SHB: variants seen among roughly 807,000 people sequenced by gnomAD.
The protein encoded by SHB is SH2 domain-containing adapter protein B.
SHB carries 20 observed loss-of-function variants against 52.3 expected under a neutral mutation model. The ratio of observed to expected loss-of-function variants is 0.38; its 90% CI spans 0.27 to 0.56. The LOEUF is 0.56. Among genes scored for constraint, SHB ranks in the 20% least tolerant of loss-of-function variants. The pLI, the probability that SHB is intolerant of heterozygous loss-of-function variation, is 0.71. For missense variants in SHB, 825 were observed against 723.3 expected (o/e 1.14, Z -1.61); for synonymous variants, 397 against 316.5 (o/e 1.25, Z -2.70).
Position 38,069,176 on chromosome 9 carries a change from C to T in SHB, c.-531G>A, listed in dbSNP as rs1822025590. On this transcript the variant is annotated 5_prime_UTR_variant, in exon 1 of 6. Coordinates refer to ENST00000377707, the MANE Select transcript of SHB (RefSeq NM_003028.3). Reference sequence around the variant, plus strand: ...GCGACGGAGGAAGGCAGCCGGCGCCCGCCGGAGCCCGCGCGCCCGTGCCCG... The same window carrying T: ...GCGACGGAGGAAGGCAGCCGGCGCCTGCCGGAGCCCGCGCGCCCGTGCCCG... 2 of 151,214 alleles carry T rather than the reference C, an allele frequency of 1.3e-5. No homozygotes were observed. Among genetic ancestry groups the T allele is most frequent in the South Asian group, 1.9e-4 (1 of 5,356 alleles). 9.4% of individuals were successfully genotyped at this position (151,214 alleles called of 1,614,324 possible).
At chr9:37,955,142 T>C (rs781418273) in intron 4 of SHB, among the ~76,000 whole-genome samples, 8 of 152,188 alleles carry the variant, frequency 5.3e-5, no homozygotes, top group Middle Eastern at 3.2e-3. Context: ...TACACATAGT[T>C]TTACACTTAG....
intron 5 of SHB, among the ~76,000 whole-genome samples, chr9:37,942,702 GAA>G (rs1267594003): frequency 6.6e-6 from 1 of 152,228 alleles, no homozygotes; most frequent in Non-Finnish European, 1.5e-5. Flanking sequence ...CAGGTGCGGG[GAA>G]AGAGATGGAA....
chr9:37,972,778 G>C (rs887094993), intron 3 of SHB, among the ~76,000 whole-genome samples: 1 of 152,208 alleles, frequency 6.6e-6, no homozygotes, highest in African/African-American at 2.4e-5. Flanking sequence ...TGAGTAATCT[G>C]TGTTGGAATG....
At chr9:38,055,247 T>C (rs1821799183) in intron 1 of SHB, among the ~76,000 whole-genome samples, 1 of 152,202 alleles carries the variant, frequency 6.6e-6, no homozygotes, top group African/African-American at 2.4e-5. Context: ...TTATTCCCCA[T>C]GAACACTCCA....
intron 1 of SHB, among the ~76,000 whole-genome samples, chr9:38,052,061 C>CT (rs1821758063): frequency 6.6e-6 from 1 of 152,154 alleles, no homozygotes; most frequent in Non-Finnish European, 1.5e-5. Flanking sequence ...ACACCAGCAA[C>CT]TTTACATGGC....
intron 2 of SHB, among the ~76,000 whole-genome samples, chr9:38,014,889 C>T (rs1247803997): frequency 6.6e-6 from 1 of 152,236 alleles, no homozygotes; most frequent in African/African-American, 2.4e-5. Flanking sequence ...GCTCAGTGCT[C>T]AGTAAATGCC....
intron 2 of SHB, among the ~76,000 whole-genome samples, chr9:38,014,832 C>T (rs374646909): frequency 2.6e-5 from 4 of 152,242 alleles, no homozygotes; most frequent in East Asian, 1.9e-4. Context: ...TCAACCTGCA[C>T]GGCTACACAG....
intron 1 of SHB, among the ~76,000 whole-genome samples, chr9:38,065,588 G>A (rs1278031401): frequency 2.6e-5 from 4 of 152,116 alleles, no homozygotes; most frequent in Non-Finnish European, 5.9e-5. Context: ...GCACTATAAC[G>A]TCCTGCTGAG....
chr9:38,057,442 C>A (rs112743741), intron 1 of SHB, among the ~76,000 whole-genome samples: 7 of 152,260 alleles, frequency 4.6e-5, no homozygotes, highest in African/African-American at 1.2e-4. Flanking sequence ...CCAAACTTGT[C>A]TTAATTTTGT....
At chr9:38,028,439 G>A (rs1207127380) in intron 1 of SHB, among the ~76,000 whole-genome samples, 1 of 152,170 alleles carries the variant, frequency 6.6e-6, no homozygotes, top group African/African-American at 2.4e-5. Context: ...CCCTGCAGCT[G>A]GGGTGCTGGA....
intron 5 of SHB, among the ~76,000 whole-genome samples, chr9:37,927,770 G>A (rs565978904): frequency 2.0e-5 from 3 of 152,284 alleles, no homozygotes; most frequent in Admixed American, 1.3e-4. Context: ...GGTGGATCCC[G>A]CTGGATGCCT....
chr9:37,966,864 C>T lies in SHB; in HGVS notation c.1054+7758G>A, dbSNP rs1315457040. Among the ~76,000 whole-genome samples, 4 of 152,198 alleles carry T rather than the reference C, an allele frequency of 2.6e-5. No homozygotes were observed. The East Asian group carries it at 7.7e-4, about 29-fold the overall frequency. On this transcript the variant is annotated intron_variant, in intron 3 of 5. Transcript: ENST00000377707. ...ATAGCAAGTGTGGAGCAGTGCCCTACACACACAATGGTGGTGTTAAACCAG... is the reference window on the plus strand; with the variant it reads ...ATAGCAAGTGTGGAGCAGTGCCCTATACACACAATGGTGGTGTTAAACCAG...
At chr9:37,979,004 A>C (rs1348156282) in intron 2 of SHB, among the ~76,000 whole-genome samples, 1 of 152,184 alleles carries the variant, frequency 6.6e-6, no homozygotes, top group Admixed American at 6.5e-5. Context: ...GGAGAGGCTC[A>C]CCAACAGCTC....
chr9:38,068,574 C>A lies in SHB; in HGVS notation c.72G>T (p.Arg24=). The A allele has an allele frequency of 2.0e-6, 3 of 1,486,146 alleles. No individual in the cohort carries two copies. The highest frequency in any genetic ancestry group is 1.3e-5 in the South Asian group (1 of 76,732). 92.1% of individuals were successfully genotyped at this position (1,486,146 alleles called of 1,614,324 possible). The change falls in exon 1 of 6, where the codon CGG becomes CGT. Residue 24 remains arginine, a synonymous_variant. Coordinates refer to ENST00000377707, the MANE Select transcript of SHB (RefSeq NM_003028.3). ...SKTKSPPQPP[R]PDYREQRRRG... is the part of the protein sequence containing the mutation. ...GGCGCCGCTGCTCGCGGTAGTCTGG[C>A]CGCGGCGGCTGCGGGGGGCTCTTGG...
In SHB at chr9:37,918,337, G is replaced by C. The variant is rs111269959; in HGVS notation, c.*1484C>G. The stretch of plus-strand genomic sequence containing the variant: ...TGCCTGGCCTGTGTGGGAGGACCCT[G>C]CTATGGCAAGCAAGAGAGAGGTCGC... On this transcript the variant is annotated 3_prime_UTR_variant, in exon 6 of 6. Coordinates refer to ENST00000377707, the MANE Select transcript of SHB (RefSeq NM_003028.3). 4.6e-4 allele frequency among the ~76,000 whole-genome samples: 70 copies of C among 152,178 alleles called. 1 individual carries two copies. Among genetic ancestry groups the C allele is most frequent in the African/African-American group, 1.7e-3 (70 of 41,460 alleles).
At chr9:38,041,674 G>A (rs1252451941) in intron 1 of SHB, among the ~76,000 whole-genome samples, 1 of 152,040 alleles carries the variant, frequency 6.6e-6, no homozygotes, top group African/African-American at 2.4e-5. Context: ...TATTCCCAAA[G>A]GCAGTGGGAA....
Position 37,955,868 on chromosome 9 carries a change from C to A in SHB, c.1226+15G>T, listed in dbSNP as rs752747150. 6.2e-7 allele frequency: 1 copy of A among 1,608,628 alleles called. No individual in the cohort carries two copies. The highest frequency in any genetic ancestry group is 1.3e-5 in the African/African-American group (1 of 74,766). On this transcript the variant is annotated intron_variant, in intron 4 of 5. Coordinates refer to ENST00000377707, the MANE Select transcript of SHB (RefSeq NM_003028.3). ...AACTGGGAGGTGAGGTTGGGCTTTG[C>A]TCCCAAGAACTTACATTTGCTTCTC...
At chr9:38,004,030 G>A (rs576434303) in intron 2 of SHB, among the ~76,000 whole-genome samples, 4 of 152,258 alleles carry the variant, frequency 2.6e-5, no homozygotes, top group African/African-American at 9.6e-5. Context: ...GGGTCCATCC[G>A]GCCCATTGAC....
At chr9:37,928,001 C>CTA (rs149338343) in intron 5 of SHB, among the ~76,000 whole-genome samples, 5,598 of 151,598 alleles carry the variant, frequency 0.037, 158 homozygotes, top group East Asian at 0.1. Flanking sequence ...ACATGAAGGC[C>CTA]TGTGTGTCGG....
Sources: gnomAD v4.1 joint callset for allele counts (sites outside exome capture counted in the v4.1 genomes callset) on GRCh38, gnomAD v4.1.1 for gene constraint, MANE v1.5 for transcripts, NCBI Gene and HGNC (gene_info 2026-07-23, HGNC 2026-07-21) for gene names.